TNNI3K: variants seen among roughly 807,000 people sequenced by gnomAD.
TNNI3K encodes TNNI3 interacting kinase, also known as serine/threonine-protein kinase TNNI3K.
In TNNI3K, 140 loss-of-function variants were observed where a neutral mutation model predicts 114.5. That is an observed-to-expected ratio of 1.22 (90% CI 1.07 to 1.41). The LOEUF (loss-of-function observed/expected upper bound fraction) is 1.41, where lower values mean the gene tolerates loss of function less well. Among genes scored for constraint, TNNI3K ranks in the 40% most tolerant of loss-of-function variants. The pLI is 0.00. For missense variants in TNNI3K, 1,125 were observed against 1,007.6 expected (o/e 1.12, Z -1.58); for synonymous variants, 347 against 347.5 (o/e 1.00, Z 0.02).
intron 17 of TNNI3K, chr1:74,375,025 A>T (rs1434084705): frequency 1.3e-5 from 2 of 152,110 alleles, no homozygotes; most frequent in African/African-American, 4.8e-5. Context: ...ATAGTATTAT[A>T]TGTTATATTA....
At chr1:74,527,783 T>C (rs931155010) in intron 23 of TNNI3K, among the ~76,000 whole-genome samples, 2 of 152,214 alleles carry the variant, frequency 1.3e-5, no homozygotes, top group African/African-American at 4.8e-5. Flanking sequence ...TCATGAATGA[T>C]TTAGTCCAAA....
chr1:74,397,531 T>C (rs1664146388), intron 17 of TNNI3K, among the ~76,000 whole-genome samples: 1 of 152,162 alleles, frequency 6.6e-6, no homozygotes, highest in African/African-American at 2.4e-5. Flanking sequence ...AATTTTAAAA[T>C]ATGAAGCCAT....
intron 23 of TNNI3K, among the ~76,000 whole-genome samples, chr1:74,509,090 T>A (rs942546385): frequency 1.1e-4 from 17 of 152,236 alleles, no homozygotes; most frequent in African/African-American, 4.1e-4. Context: ...ACTTTCTTCT[T>A]CTTTTTATCA....
At chr1:74,328,713 G>A (rs919376539) in intron 5 of TNNI3K, among the ~76,000 whole-genome samples, 2 of 151,992 alleles carry the variant, frequency 1.3e-5, no homozygotes, top group Admixed American at 1.3e-4. Context: ...AATAACTGGA[G>A]AAGTGCAAAC....
intron 17 of TNNI3K, among the ~76,000 whole-genome samples, chr1:74,404,693 C>A (rs1460825951): frequency 1.3e-5 from 2 of 152,190 alleles, no homozygotes; most frequent in African/African-American, 4.8e-5. Context: ...ATGCTGATCT[C>A]CCAGACTATG....
chr1:74,448,028 C>T (rs1435970263), intron 20 of TNNI3K, among the ~76,000 whole-genome samples: 1 of 56,330 alleles, frequency 1.8e-5, no homozygotes, highest in Non-Finnish European at 3.4e-5. Flanking sequence ...CCAAACACCG[C>T]ATATTCTCAC....
At chr1:74,529,206 A>G (rs1606649) in intron 23 of TNNI3K, among the ~76,000 whole-genome samples, 140,166 of 152,202 alleles carry the variant, frequency 0.92, 64,814 homozygotes, top group Non-Finnish European at 0.96. Context: ...TTTATAGTGT[A>G]GAAGCCTATC....
intron 4 of TNNI3K, among the ~76,000 whole-genome samples, chr1:74,255,424 A>G (rs936541181): frequency 2.6e-5 from 4 of 151,136 alleles, no homozygotes; most frequent in African/African-American, 9.7e-5. Flanking sequence ...TCATTTTCCT[A>G]TTTTCCTAGC....
At chr1:74,349,400 A>G (rs1239678885) in intron 9 of TNNI3K, among the ~76,000 whole-genome samples, 2 of 152,204 alleles carry the variant, frequency 1.3e-5, no homozygotes, top group East Asian at 3.9e-4. Flanking sequence ...TTTTTGCATC[A>G]ATGTTCATCA....
chr1:74,537,088 AG>A (rs1453535668), intron 23 of TNNI3K, among the ~76,000 whole-genome samples: 3 of 152,154 alleles, frequency 2.0e-5, no homozygotes, highest in Non-Finnish European at 2.9e-5. Context: ...TTGGGCAAAA[AG>A]GTTAAGTCGT....
intron 7 of TNNI3K, chr1:74,342,099 G>A (rs1660774541): frequency 6.6e-6 from 1 of 152,154 alleles, no homozygotes; most frequent in African/African-American, 2.4e-5. Flanking sequence ...ACAGATCTTG[G>A]AAAGCACATT....
At chr1:74,480,792 C>G (rs1037730679) in intron 21 of TNNI3K, 19 of 717,418 alleles carry the variant, frequency 2.6e-5, no homozygotes, top group Non-Finnish European at 4.7e-5. Context: ...TGGTTGTGCT[C>G]CAGCAACAAG....
chr1:74,495,786 A>C (rs1195270626), intron 23 of TNNI3K, among the ~76,000 whole-genome samples: 1 of 152,140 alleles, frequency 6.6e-6, no homozygotes, highest in Admixed American at 6.6e-5. Flanking sequence ...GAAGCTTGAA[A>C]TATTTTGCCA....
intron 21 of TNNI3K, chr1:74,483,298 C>T: frequency 1.4e-6 from 1 of 717,522 alleles, no homozygotes. Context: ...AGGGTTACAT[C>T]TTTGGTGCAC....
chr1:74,485,529 C>A (rs540226014), intron 21 of TNNI3K, among the ~76,000 whole-genome samples: 2 of 152,244 alleles, frequency 1.3e-5, no homozygotes, highest in East Asian at 3.9e-4. Flanking sequence ...TTCCTGTCCC[C>A]TGGTGTACAT....
intron 17 of TNNI3K, among the ~76,000 whole-genome samples, chr1:74,379,752 A>G (rs1208958992): frequency 6.6e-6 from 1 of 152,180 alleles, no homozygotes; most frequent in African/African-American, 2.4e-5. Flanking sequence ...CTGTGTCCCA[A>G]ACATTCTCAT....
At chr1:74,349,375 G>A (rs1029133424) in intron 9 of TNNI3K, among the ~76,000 whole-genome samples, 6 of 152,140 alleles carry the variant, frequency 3.9e-5, no homozygotes, top group African/African-American at 1.4e-4. Context: ...CGGTTTGCCA[G>A]TATTTTATTG....
intron 5 of TNNI3K, among the ~76,000 whole-genome samples, chr1:74,296,200 T>TG (rs1350894431): frequency 6.6e-6 from 1 of 151,326 alleles, no homozygotes; most frequent in South Asian, 2.1e-4. Flanking sequence ...GGTGTGAACC[T>TG]GGGAGGTGGA....
chr1:74,543,078 T>A lies in TNNI3K; in HGVS notation c.2432-828T>A, dbSNP rs1287138208. Among the ~76,000 whole-genome samples the A allele has an allele frequency of 4.6e-5, 6 of 129,134 alleles. 1 individual carries two copies. The highest frequency in any genetic ancestry group is 1.7e-4 in the African/African-American group (6 of 34,432). The allele number at this position is 129,134 out of a possible 152,430, so 84.7% of individuals were successfully genotyped here. ...TTTCTTTTTCCCTTTTTTTTTTTTT[T>A]TTTTTTTTTTTTTTTGAGATGGAGT... On this transcript the variant is annotated intron_variant, in intron 24 of 24. Transcript: ENST00000326637.
Sources: allele counts gnomAD v4.1 joint callset (sites outside exome capture counted in the v4.1 genomes callset), GRCh38; gene constraint gnomAD v4.1.1; transcripts MANE v1.5; gene names NCBI Gene and HGNC (gene_info 2026-07-23, HGNC 2026-07-21).